The following SGCZ variants were observed in gnomAD, a reference collection of about 807,000 sequenced individuals.
The protein encoded by SGCZ is sarcoglycan zeta, also known as zeta-sarcoglycan.
Under a neutral mutation model 41.3 loss-of-function variants are expected in SGCZ, and 40 were observed. That is an observed-to-expected ratio of 0.97 (90% CI 0.75 to 1.26). SGCZ has a LOEUF of 1.26. SGCZ is among the 50% of genes most tolerant of loss of function. The pLI is 0.00. For missense variants in SGCZ, 552 were observed against 369.8 expected (o/e 1.49, Z -4.04); for synonymous variants, 206 against 137.5 (o/e 1.50, Z -3.49).
intron 3 of SGCZ, among the ~76,000 whole-genome samples, chr8:14,308,584 A>G (rs993092330): frequency 6.6e-6 from 1 of 151,956 alleles, no homozygotes; most frequent in Non-Finnish European, 1.5e-5. Context: ...TTGTTTTTCT[A>G]TGATTTTATT....
chr8:15,176,895 G>A (rs1800015776), intron 1 of SGCZ, among the ~76,000 whole-genome samples: 1 of 152,164 alleles, frequency 6.6e-6, no homozygotes, highest in Non-Finnish European at 1.5e-5. Flanking sequence ...CAGCTACTCA[G>A]GAGGCTGAGG....
chr8:14,651,666 T>G (rs1248069173), intron 1 of SGCZ, among the ~76,000 whole-genome samples: 2 of 152,224 alleles, frequency 1.3e-5, no homozygotes, highest in African/African-American at 4.8e-5. Flanking sequence ...AAATTTTGTA[T>G]TAATTTTCTT....
At chr8:14,648,337 C>G (rs1030109927) in intron 1 of SGCZ, among the ~76,000 whole-genome samples, 7 of 152,008 alleles carry the variant, frequency 4.6e-5, no homozygotes, top group African/African-American at 2.4e-5. Flanking sequence ...AAGAAACATG[C>G]TTTCTTCAAA....
At chr8:14,744,969 A>C (rs1468335554) in intron 1 of SGCZ, among the ~76,000 whole-genome samples, 2 of 152,148 alleles carry the variant, frequency 1.3e-5, no homozygotes, top group East Asian at 3.9e-4. Context: ...CCTTGAAGGA[A>C]TGTTTTACTT....
At chr8:14,782,152 G>C (rs531864089) in intron 1 of SGCZ, among the ~76,000 whole-genome samples, 1 of 152,088 alleles carries the variant, frequency 6.6e-6, no homozygotes, top group African/African-American at 2.4e-5. Context: ...TTGGATAAAC[G>C]ACTACTGGGA....
intron 1 of SGCZ, among the ~76,000 whole-genome samples, chr8:14,562,075 T>G (rs866811625): frequency 9.9e-4 from 151 of 152,240 alleles, no homozygotes; most frequent in African/African-American, 3.3e-3. Context: ...CTTCTACTGA[T>G]CTGGATGGTA....
At chr8:15,128,710 G>C (rs192295915) in intron 1 of SGCZ, among the ~76,000 whole-genome samples, 179 of 152,298 alleles carry the variant, frequency 1.2e-3, no homozygotes, top group African/African-American at 4.2e-3. Flanking sequence ...ACAAAACTTA[G>C]ATAAGAAACA....
At chr8:14,413,882 T>C (rs759779976) in intron 2 of SGCZ, among the ~76,000 whole-genome samples, 3 of 152,014 alleles carry the variant, frequency 2.0e-5, no homozygotes, top group Non-Finnish European at 2.9e-5. Flanking sequence ...ATATATCCAG[T>C]CATCTAGAAC....
chr8:15,145,432 T>A (rs1283492581), intron 1 of SGCZ, among the ~76,000 whole-genome samples: 1 of 152,162 alleles, frequency 6.6e-6, no homozygotes, highest in Non-Finnish European at 1.5e-5. Flanking sequence ...CAGATCCACA[T>A]CTACTATGTG....
In SGCZ at chr8:14,847,983, T is replaced by A. The variant is rs572464827; in HGVS notation, c.40-293057A>T. Among the ~76,000 whole-genome samples the A allele has an allele frequency of 1.2e-4, 19 of 152,144 alleles. No homozygotes were observed. The South Asian group carries it at 3.1e-3, about 25-fold the overall frequency. On this transcript the variant is annotated intron_variant, in intron 1 of 7. Transcript: ENST00000382080. ...TTCATAGACAACATAATCATCCATG[T>A]AGAAAATTAAATATAACCTACAAAG...
At chr8:14,479,727 ACTTCTT>A (rs1280894053) in intron 2 of SGCZ, among the ~76,000 whole-genome samples, 4 of 109,388 alleles carry the variant, frequency 3.7e-5, no homozygotes, top group East Asian at 3.3e-4. Flanking sequence ...CCAGAATTCT[ACTTCTT>A]TTTTTTTTTT....
At position 14,897,225 on chromosome 8, in the gene SGCZ, G is replaced by T. The variant is rs186912907; in HGVS notation, c.39+340360C>A. Among the ~76,000 whole-genome samples, 20 of 152,232 alleles carry T rather than the reference G, an allele frequency of 1.3e-4. No individual in the cohort carries two copies. In the East Asian group the frequency reaches 3.7e-3, roughly 28 times the overall value. ...AATTAATCTAATGCCTGTCTCAAAG[G>T]AAATGGTTGGTGAATATAATTAATA... On this transcript the variant is annotated intron_variant, in intron 1 of 7. Transcript: ENST00000382080.
chr8:14,599,603 G>A (rs1393172142), intron 1 of SGCZ, among the ~76,000 whole-genome samples: 2 of 152,034 alleles, frequency 1.3e-5, no homozygotes, highest in African/African-American at 4.8e-5. Flanking sequence ...AACTGAATAA[G>A]GCTGGAAAAT....
At chr8:14,128,374 G>C (rs1802930216) in intron 5 of SGCZ, among the ~76,000 whole-genome samples, 1 of 152,142 alleles carries the variant, frequency 6.6e-6, no homozygotes, top group African/African-American at 2.4e-5. Flanking sequence ...ACACCGTTCG[G>C]AACAGCTACT....
chr8:15,235,644 G>C (rs558780625), intron 1 of SGCZ, among the ~76,000 whole-genome samples: 1 of 152,148 alleles, frequency 6.6e-6, no homozygotes, highest in Admixed American at 6.6e-5. Flanking sequence ...AGTTTCCCCA[G>C]TGGGTTTGCT....
At chr8:14,632,395 G>A (rs150580449) in intron 1 of SGCZ, among the ~76,000 whole-genome samples, 4 of 152,066 alleles carry the variant, frequency 2.6e-5, no homozygotes, top group African/African-American at 9.6e-5. Flanking sequence ...AATGTATAGA[G>A]AGATAAGCTA....
intron 1 of SGCZ, among the ~76,000 whole-genome samples, chr8:14,849,395 CT>C (rs893129079): frequency 1.3e-4 from 20 of 150,718 alleles, no homozygotes; most frequent in South Asian, 1.0e-3. Flanking sequence ...TTCATAGCAG[CT>C]TTTTTTTTGT....
chr8:14,720,215 C>A (rs2130179920), intron 1 of SGCZ, among the ~76,000 whole-genome samples: 1 of 152,008 alleles, frequency 6.6e-6, no homozygotes, highest in South Asian at 2.1e-4. Context: ...TACTTACATG[C>A]TTAAAATAAA....
At chr8:14,751,962 A>C (rs1429822826) in intron 1 of SGCZ, among the ~76,000 whole-genome samples, 2 of 151,594 alleles carry the variant, frequency 1.3e-5, no homozygotes, top group South Asian at 2.1e-4. Flanking sequence ...AAAAAAAAAA[A>C]CACCTTAGAG....
Sources: gnomAD v4.1 joint callset for allele counts (sites outside exome capture counted in the v4.1 genomes callset) on GRCh38, gnomAD v4.1.1 for gene constraint, MANE v1.5 for transcripts, NCBI Gene and HGNC (gene_info 2026-07-23, HGNC 2026-07-21) for gene names.